NEXMIF: variants seen among roughly 807,000 people sequenced by gnomAD.
The protein encoded by NEXMIF is neurite extension and migration factor.
Under a neutral mutation model 62.1 loss-of-function variants are expected in NEXMIF, and 8 were observed. That is an observed-to-expected ratio of 0.13 (90% CI 0.08 to 0.23). The LOEUF (loss-of-function observed/expected upper bound fraction) is 0.23. NEXMIF is among the 10% of genes least tolerant of loss of function. The pLI, the probability that NEXMIF is intolerant of heterozygous loss-of-function variation, is 1.00. For missense variants in NEXMIF, 976 were observed against 1,113.3 expected (o/e 0.88, Z 1.75); for synonymous variants, 404 against 416.6 (o/e 0.97, Z 0.37).
In NEXMIF at chrX:74,867,262, A is replaced by G. The variant is rs1041277872; in HGVS notation, c.-48+57621T>C. On this transcript the variant is annotated intron_variant, in intron 1 of 3. Transcript: ENST00000055682. ...TTACACTACCATTGACATTCTTCAC[A>G]AAAGTAGAAAAAACTACTTTAAAAT... Among the ~76,000 whole-genome samples, 4 of 112,145 alleles carry G rather than the reference A, an allele frequency of 3.6e-5. No homozygotes were observed. In the Admixed American group the frequency reaches 3.8e-4, roughly 11 times the overall value.
intron 1 of NEXMIF, among the ~76,000 whole-genome samples, chrX:74,924,330 GTC>G (rs751122808): frequency 1.8e-5 from 2 of 112,358 alleles, no homozygotes; most frequent in Admixed American, 1.9e-4. Context: ...GCGAGGCTCG[GTC>G]TGGCCTCCAA....
chrX:74,867,903 T>C (rs1293253266), intron 1 of NEXMIF, among the ~76,000 whole-genome samples: 3 of 111,675 alleles, frequency 2.7e-5, no homozygotes. Flanking sequence ...AGGTCTAATA[T>C]CCAGAGTCTA....
intron 1 of NEXMIF, among the ~76,000 whole-genome samples, chrX:74,869,916 G>A (rs760175334): frequency 1.8e-5 from 2 of 110,646 alleles, no homozygotes; most frequent in Non-Finnish European, 3.8e-5. Context: ...CAGATCCAAT[G>A]CAATCCCTAT....
At chrX:74,795,924 A>G (rs983192121) in intron 1 of NEXMIF, among the ~76,000 whole-genome samples, 2 of 104,533 alleles carry the variant, frequency 1.9e-5, no homozygotes, top group Admixed American at 2.2e-4. Flanking sequence ...TAGATGAACA[A>G]TTGTGAGACT....
At chrX:74,789,580 C>G (rs1232092600) in intron 1 of NEXMIF, among the ~76,000 whole-genome samples, 1 of 111,315 alleles carries the variant, frequency 9.0e-6, no homozygotes, top group African/African-American at 3.3e-5. Context: ...AACTAGTTTA[C>G]AGTCCCACCA....
chrX:74,872,123 T>C (rs947559482), intron 1 of NEXMIF, among the ~76,000 whole-genome samples: 1 of 111,447 alleles, frequency 9.0e-6, no homozygotes, highest in Non-Finnish European at 1.9e-5. Flanking sequence ...CTGCTAAATG[T>C]CCATGAAATC....
In NEXMIF at chrX:74,744,424, C is replaced by T. The variant is rs199960807; in HGVS notation, c.133G>A (p.Ala45Thr). The T allele has an allele frequency of 7.6e-4, 915 of 1,205,848 alleles. No homozygotes were observed. The highest frequency in any genetic ancestry group is 9.7e-4 in the Non-Finnish European group (866 of 893,029). The change falls in exon 3 of 4, where the codon GCA becomes ACA. Residue 45 changes from alanine to threonine, a missense_variant. Coordinates refer to ENST00000055682, the MANE Select transcript of NEXMIF (RefSeq NM_001008537.3). The stretch of plus-strand genomic sequence containing the variant: ...GCCACCGGTGTAGGCTGGATAGGTG[C>T]AGCAGCTTCTAGAGCTGCAAATGAC... ...MKSFAALEAAAPIQPTPVAQK... is the reference protein window; with the variant it reads ...MKSFAALEAATPIQPTPVAQK...
intron 2 of NEXMIF, 145 bp from the exon 3 acceptor site, chrX:74,744,622 T>G: frequency 2.6e-6 from 1 of 388,692 alleles, no homozygotes; most frequent in Non-Finnish European, 4.3e-6. Context: ...AAATAAAAAC[T>G]ACAACGTTAA....
intron 1 of NEXMIF, among the ~76,000 whole-genome samples, chrX:74,805,215 C>T (rs1328670430): frequency 9.0e-6 from 1 of 111,684 alleles, no homozygotes; most frequent in Non-Finnish European, 1.9e-5. Flanking sequence ...TGTGAGTGCT[C>T]GCCGGATTTT....
intron 1 of NEXMIF, among the ~76,000 whole-genome samples, chrX:74,882,291 C>A (rs1238953664): frequency 2.7e-5 from 3 of 111,875 alleles, no homozygotes; most frequent in Non-Finnish European, 5.6e-5. Context: ...GAGTGCTGGA[C>A]AGTTGGTGCA....
rs2080088701 is a variant in NEXMIF at position 74,737,531 on chromosome X, G to T, written c.*1874C>A. 1 of 111,269 alleles carries T rather than the reference G, an allele frequency of 9.0e-6. No homozygotes were observed. Among genetic ancestry groups the T allele is most frequent in the Non-Finnish European group, 1.9e-5 (1 of 53,020 alleles). The allele number at this position is 111,269 out of a possible 1,213,427, so 9.2% of individuals were successfully genotyped here. A position where few individuals can be genotyped will look rare whatever the true frequency, so the allele number is the denominator to read the frequency against. ...CCCACTCATCCCCACAGACACAAGA[G>T]ACTGACGCTGGGAACACACATGATC... On this transcript the variant is annotated 3_prime_UTR_variant, in exon 4 of 4. Transcript: ENST00000055682.
In NEXMIF at chrX:74,743,339, C is replaced by T. The variant is rs749705828; in HGVS notation, c.1218G>A (p.Lys406=). The T allele has an allele frequency of 2.0e-5, 24 of 1,209,554 alleles. No individual in the cohort carries two copies. Among genetic ancestry groups the T allele is most frequent in the Non-Finnish European group, 2.5e-5 (22 of 895,132 alleles). ...EKKDGKDNGE[K]PALNKPCSGT... ...CACTGCATGGTTTATTTAAGGCAGGCTTTTCTCCATTATCCTTTCCATCTT... is the reference window on the plus strand; with the variant it reads ...CACTGCATGGTTTATTTAAGGCAGGTTTTTCTCCATTATCCTTTCCATCTT... The change falls in exon 3 of 4, where the codon AAG becomes AAA. Residue 406 remains lysine (K), a synonymous_variant. Transcript: ENST00000055682.
chrX:74,869,798 T>C (rs1389203363), intron 1 of NEXMIF, among the ~76,000 whole-genome samples: 1 of 111,077 alleles, frequency 9.0e-6, no homozygotes, highest in Non-Finnish European at 1.9e-5. Flanking sequence ...CTATACAACG[T>C]TGATGCAAAA....
intron 1 of NEXMIF, among the ~76,000 whole-genome samples, chrX:74,781,183 G>A (rs1398593821): frequency 2.7e-5 from 3 of 111,903 alleles, no homozygotes; most frequent in South Asian, 3.8e-4. Flanking sequence ...TTTTGGCATC[G>A]TTACAAAGTA....
intron 1 of NEXMIF, among the ~76,000 whole-genome samples, chrX:74,779,949 C>T (rs2080241172): frequency 9.0e-6 from 1 of 111,207 alleles, no homozygotes; most frequent in Non-Finnish European, 1.9e-5. Flanking sequence ...ATCTGGGACA[C>T]AGATTTATAT....
chrX:74,763,412 C>T (rs771058079), intron 1 of NEXMIF, among the ~76,000 whole-genome samples: 54 of 111,873 alleles, frequency 4.8e-4, no homozygotes, highest in African/African-American at 1.8e-3. Context: ...ATGCCTCCAG[C>T]TTTGTTCTTT....
chrX:74,876,334 G>C (rs1314549372), intron 1 of NEXMIF, among the ~76,000 whole-genome samples: 2 of 111,722 alleles, frequency 1.8e-5, no homozygotes, highest in Non-Finnish European at 3.8e-5. Context: ...GTTCTAGTTT[G>C]ATTGCACTGT....
chrX:74,741,226 T>C lies in NEXMIF; in HGVS notation c.3331A>G (p.Lys1111Glu). 8.3e-7 allele frequency: 1 copy of C among 1,211,756 alleles called. No individual in the cohort carries two copies. The highest frequency in any genetic ancestry group is 1.1e-6 in the Non-Finnish European group (1 of 895,486). The change falls in exon 3 of 4, where the codon AAA (lysine) becomes GAA (glutamate). Residue 1111 changes from lysine (K) to glutamate (E), a missense_variant. By Grantham distance (56) the Lys-to-Glu change is moderately conservative (BLOSUM62 1). Transcript: ENST00000055682. ...GVPGPLDSVE[K>E]IKWDCSTLSR... ...AGGGTACTGCAGTCCCACTTGATTT[T>C]TTCCACACTGTCCAATGGTCCTGGG... is the stretch of plus-strand genomic sequence containing the variant.
intron 1 of NEXMIF, among the ~76,000 whole-genome samples, chrX:74,914,002 T>A (rs2080798812): frequency 8.9e-6 from 1 of 112,122 alleles, no homozygotes; most frequent in Admixed American, 9.4e-5. Context: ...GTAAATATAA[T>A]TGACTTTGCT....
Sources: gnomAD v4.1 joint callset for allele counts (sites outside exome capture counted in the v4.1 genomes callset) on GRCh38, gnomAD v4.1.1 for gene constraint, MANE v1.5 for transcripts, NCBI Gene and HGNC (gene_info 2026-07-23, HGNC 2026-07-21) for gene names.